Variants in DYRK1A observed in about 807,000 individuals in gnomAD.
DYRK1A encodes dual specificity tyrosine phosphorylation regulated kinase 1A, also known as dual specificity tyrosine-phosphorylation-regulated kinase 1A.
Under a neutral mutation model 79.7 loss-of-function variants are expected in DYRK1A, and 9 were observed. The ratio of observed to expected loss-of-function variants is 0.11; its 90% CI spans 0.07 to 0.20. The LOEUF is 0.20. DYRK1A is among the 10% of genes least tolerant of loss of function. The probability of loss-of-function intolerance (pLI) is 1.00; values close to 1 mark genes in which losing one functional copy is unlikely to be tolerated. For missense variants in DYRK1A, 622 were observed against 956.0 expected (o/e 0.65, Z 4.61); for synonymous variants, 349 against 329.7 (o/e 1.06, Z -0.63).
chr21:37,476,346 C>T (rs755777563), intron 3 of DYRK1A, among the ~76,000 whole-genome samples: 3 of 152,178 alleles, frequency 2.0e-5, no homozygotes, highest in Non-Finnish European at 4.4e-5. Flanking sequence ...ACATGTTGTT[C>T]AGTAAATACC....
chr21:37,514,108 G>A lies in DYRK1A; in HGVS notation c.*1577G>A, dbSNP rs2053836242. ...AGGGACACTGGATCCAGAAGCTATG[G>A]AACCAGCAGTTGATTCTTGTATTCC... On this transcript the variant is annotated 3_prime_UTR_variant, in exon 12 of 12. Coordinates refer to ENST00000647188, the MANE Select transcript of DYRK1A (RefSeq NM_001347721.2). 6.6e-6 allele frequency: 1 copy of A among 152,632 alleles called. No individual in the cohort carries two copies. Among genetic ancestry groups the A allele is most frequent in the Admixed American group, 6.5e-5 (1 of 15,274 alleles). The allele number at this position is 152,632 out of a possible 1,614,324, so 9.5% of individuals were successfully genotyped here. A position where few individuals can be genotyped will look rare whatever the true frequency, so the allele number is the denominator to read the frequency against.
intron 3 of DYRK1A, among the ~76,000 whole-genome samples, chr21:37,474,150 T>C (rs1339202890): frequency 2.0e-5 from 3 of 152,332 alleles, no homozygotes; most frequent in East Asian, 1.9e-4. Context: ...TGGGCTTCCT[T>C]CTTCTTAGAT....
Position 37,512,134 on chromosome 21 carries a change from T to A in DYRK1A, c.1868T>A (p.Val623Asp). The A allele has an allele frequency of 6.2e-7, 1 of 1,613,948 alleles. No homozygotes were observed. The highest frequency in any genetic ancestry group is 1.1e-5 in the South Asian group (1 of 91,058). ...TTGGGTAACCGGACCAGGCCAAGGGTCTACAATTCTCCAACGAATAGCTCC... is the reference window on the plus strand; with the variant it reads ...TTGGGTAACCGGACCAGGCCAAGGGACTACAATTCTCCAACGAATAGCTCC... ...QALGNRTRPR[V>D]YNSPTNSSST... The change falls in exon 12 of 12, where the codon GTC (valine) becomes GAC (aspartate). Residue 623 changes from valine (V) to aspartate (D), a missense_variant. This residue lies in a region of DYRK1A where 292 missense variants were observed against 316.7 expected (regional missense o/e 0.92). Transcript: ENST00000647188.
intron 2 of DYRK1A, among the ~76,000 whole-genome samples, chr21:37,421,558 A>C (rs2050476830): frequency 6.6e-6 from 1 of 152,174 alleles, no homozygotes; most frequent in Non-Finnish European, 1.5e-5. Context: ...TCATGCATGC[A>C]CACAGGCTTG....
At chr21:37,455,655 T>G (rs986758674) in intron 2 of DYRK1A, among the ~76,000 whole-genome samples, 4 of 152,102 alleles carry the variant, frequency 2.6e-5, no homozygotes, top group Admixed American at 6.5e-5. Context: ...AATTCCCTCC[T>G]TAAGGGCTCT....
At chr21:37,399,908 CT>C (rs1214063723) in intron 1 of DYRK1A, among the ~76,000 whole-genome samples, 1 of 152,142 alleles carries the variant, frequency 6.6e-6, no homozygotes, top group African/African-American at 2.4e-5. Flanking sequence ...ATTTGGAAAA[CT>C]TTTTTTAACC....
At chr21:37,394,252 A>G (rs1168922615) in intron 1 of DYRK1A, among the ~76,000 whole-genome samples, 1 of 137,496 alleles carries the variant, frequency 7.3e-6, no homozygotes, top group Non-Finnish European at 1.6e-5. Context: ...ATTTTTTTAA[A>G]TTTTATTATT....
At chr21:37,395,328 T>C (rs978920449) in intron 1 of DYRK1A, among the ~76,000 whole-genome samples, 2 of 152,210 alleles carry the variant, frequency 1.3e-5, no homozygotes, top group East Asian at 1.9e-4. Flanking sequence ...TGTATTCTTA[T>C]TCTCTGTAAG....
chr21:37,411,049 T>TTAA (rs1391560478), intron 1 of DYRK1A, among the ~76,000 whole-genome samples: 7 of 56,410 alleles, frequency 1.2e-4, no homozygotes, highest in Non-Finnish European at 1.5e-4. Flanking sequence ...ATTCTGTCTT[T>TTAA]AAAAAAAAAA....
rs3216074 is a variant in DYRK1A at position 37,417,529 on chromosome 21, C to CTTTTTT, written c.-76-2750_-76-2745dup. Among the ~76,000 whole-genome samples the CTTTTTT allele has an allele frequency of 1.9e-3, 85 of 44,036 alleles. 5 individuals are homozygous for CTTTTTT. Among genetic ancestry groups the CTTTTTT allele is most frequent in the African/African-American group, 7.4e-3 (72 of 9,780 alleles). 28.9% of individuals were successfully genotyped at this position (44,036 alleles called of 152,430 possible). On this transcript the variant is annotated intron_variant, in intron 1 of 11. Transcript: ENST00000647188. The stretch of plus-strand genomic sequence containing the variant: ...TTCTTTTCTTTTTCTTTTTCTTTTT[C>CTTTTTT]TTTTTTTTTTTTTTTTTTTTTTTTT...
chr21:37,431,731 C>G (rs997934723), intron 2 of DYRK1A, among the ~76,000 whole-genome samples: 5 of 152,122 alleles, frequency 3.3e-5, no homozygotes, highest in Non-Finnish European at 4.4e-5. Flanking sequence ...AAACTTAAGT[C>G]TGCTTGTTTT....
chr21:37,451,348 C>A (rs572665643), intron 2 of DYRK1A, among the ~76,000 whole-genome samples: 8 of 130,872 alleles, frequency 6.1e-5, no homozygotes, highest in African/African-American at 2.1e-4. Context: ...CTCTTCCTCT[C>A]CGTCCCTCCA....
intron 2 of DYRK1A, chr21:37,456,377 A>G (rs2051636461): frequency 6.6e-6 from 1 of 152,188 alleles, no homozygotes; most frequent in Admixed American, 6.5e-5. Flanking sequence ...TATTCACAAG[A>G]TTCATGGCTA....
chr21:37,464,619 CAT>C (rs2051962076), intron 2 of DYRK1A, among the ~76,000 whole-genome samples: 1 of 152,292 alleles, frequency 6.6e-6, no homozygotes, highest in African/African-American at 2.4e-5. Context: ...GATGTTAAAA[CAT>C]GTATTGTGAT....
chr21:37,408,515 C>T (rs1905240934), intron 1 of DYRK1A, among the ~76,000 whole-genome samples: 2 of 152,270 alleles, frequency 1.3e-5, no homozygotes, highest in East Asian at 1.9e-4. Flanking sequence ...AGGAAATAAA[C>T]CAGAGTCATT....
intron 1 of DYRK1A, among the ~76,000 whole-genome samples, chr21:37,375,356 A>T (rs1471112815): frequency 6.6e-6 from 1 of 152,168 alleles, no homozygotes; most frequent in Non-Finnish European, 1.5e-5. Context: ...TACTTACTTG[A>T]CATGATTAGA....
intron 2 of DYRK1A, among the ~76,000 whole-genome samples, chr21:37,453,296 A>G (rs2051520437): frequency 6.6e-6 from 1 of 152,230 alleles, no homozygotes. Context: ...CTTTGTAGCT[A>G]CATTTCAAGT....
intron 1 of DYRK1A, among the ~76,000 whole-genome samples, chr21:37,415,199 C>G (rs1265340905): frequency 6.6e-6 from 1 of 152,116 alleles, no homozygotes; most frequent in Non-Finnish European, 1.5e-5. Flanking sequence ...AAATTTGGGG[C>G]AAAACTCATT....
intron 1 of DYRK1A, among the ~76,000 whole-genome samples, chr21:37,396,302 A>T (rs945087986): frequency 3.9e-5 from 6 of 152,156 alleles, no homozygotes; most frequent in African/African-American, 1.4e-4. Flanking sequence ...GAAAATTTTC[A>T]AAATGAGTTA....
Sources: gnomAD v4.1 joint callset for allele counts (sites outside exome capture counted in the v4.1 genomes callset) on GRCh38, gnomAD v4.1.1 for gene constraint, gnomAD v4.1.1 regional missense constraint, MANE v1.5 for transcripts, NCBI Gene and HGNC (gene_info 2026-07-23, HGNC 2026-07-21) for gene names.